Variants in DOK6 observed in about 807,000 individuals in gnomAD.
DOK6 encodes the protein downstream of tyrosine kinase 6.
Under a neutral mutation model 44.0 loss-of-function variants are expected in DOK6, and 22 were observed. That is an observed-to-expected ratio of 0.50 (90% CI 0.36 to 0.71). DOK6 has a LOEUF of 0.71. Among genes scored for constraint, DOK6 ranks in the 30% least tolerant of loss-of-function variants. The pLI is 0.00. For missense variants in DOK6, 340 were observed against 416.4 expected (o/e 0.82, Z 1.60); for synonymous variants, 166 against 145.5 (o/e 1.14, Z -1.01).
At chr18:69,640,668 T>C (rs576847863) in intron 3 of DOK6, among the ~76,000 whole-genome samples, 1 of 152,288 alleles carries the variant, frequency 6.6e-6, no homozygotes, top group African/African-American at 2.4e-5. Flanking sequence ...GCTTCTGTTT[T>C]TGTACGATCA....
chr18:69,688,952 GATAT>G (rs1309283968), intron 4 of DOK6, among the ~76,000 whole-genome samples: 1 of 152,152 alleles, frequency 6.6e-6, no homozygotes, highest in Non-Finnish European at 1.5e-5. Flanking sequence ...GCAACTTAGA[GATAT>G]ATAAAGATTT....
intron 3 of DOK6, among the ~76,000 whole-genome samples, chr18:69,617,439 AG>A (rs1297211916): frequency 4.0e-5 from 6 of 150,900 alleles, no homozygotes; most frequent in African/African-American, 1.2e-4. Flanking sequence ...AGAAAGAGGG[AG>A]GGAGAGAGGG....
intron 5 of DOK6, chr18:69,724,827 GCT>G (rs1309162680): frequency 2.0e-5 from 3 of 152,204 alleles, no homozygotes; most frequent in Non-Finnish European, 4.4e-5. Context: ...ACTTAGACCA[GCT>G]CTCTCCAAGA....
intron 5 of DOK6, among the ~76,000 whole-genome samples, chr18:69,735,841 G>T (rs1978587875): frequency 6.6e-6 from 1 of 152,202 alleles, no homozygotes; most frequent in Admixed American, 6.5e-5. Flanking sequence ...CCAGCCATAG[G>T]CCTATCCTAA....
At chr18:69,496,626 C>T (rs1036706189) in intron 1 of DOK6, among the ~76,000 whole-genome samples, 11 of 152,216 alleles carry the variant, frequency 7.2e-5, no homozygotes, top group African/African-American at 2.7e-4. Flanking sequence ...CCATTCATTC[C>T]TCTAAACCCA....
chr18:69,506,356 A>T (rs374609989), intron 1 of DOK6, among the ~76,000 whole-genome samples: 2 of 152,150 alleles, frequency 1.3e-5, no homozygotes, highest in Non-Finnish European at 2.9e-5. Flanking sequence ...ATAAAAATAC[A>T]CAACAATTTA....
At chr18:69,689,701 A>G (rs534278919) in intron 4 of DOK6, among the ~76,000 whole-genome samples, 1 of 152,284 alleles carries the variant, frequency 6.6e-6, no homozygotes, top group South Asian at 2.1e-4. Flanking sequence ...AAATTTATAT[A>G]GGAGAATATA....
intron 5 of DOK6, among the ~76,000 whole-genome samples, chr18:69,732,410 G>A (rs539871205): frequency 2.6e-5 from 4 of 152,170 alleles, no homozygotes; most frequent in African/African-American, 9.6e-5. Flanking sequence ...TTGAGGTAAT[G>A]CAAGTCTTAT....
intron 1 of DOK6, among the ~76,000 whole-genome samples, chr18:69,470,300 A>G (rs1980059792): frequency 6.6e-6 from 1 of 152,132 alleles, no homozygotes; most frequent in Non-Finnish European, 1.5e-5. Context: ...TCTCAGGCCC[A>G]GCCTCACGTG....
intron 1 of DOK6, among the ~76,000 whole-genome samples, chr18:69,457,892 T>C (rs930709838): frequency 4.6e-5 from 7 of 152,060 alleles, no homozygotes; most frequent in African/African-American, 1.4e-4. Flanking sequence ...GCCTGTAATC[T>C]CAGCACTTTG....
At chr18:69,578,846 AATT>A (rs1401147542) in intron 2 of DOK6, among the ~76,000 whole-genome samples, 1 of 151,152 alleles carries the variant, frequency 6.6e-6, no homozygotes, top group African/African-American at 2.4e-5. Context: ...TTCAGTGAGA[AATT>A]ATTCTTGAAT....
At chr18:69,640,096 T>C (rs927740538) in intron 3 of DOK6, among the ~76,000 whole-genome samples, 3 of 152,180 alleles carry the variant, frequency 2.0e-5, no homozygotes, top group Non-Finnish European at 2.9e-5. Context: ...CAGGTTAACC[T>C]GCAGCACAGT....
At chr18:69,687,552 G>A (rs150340482) in intron 4 of DOK6, among the ~76,000 whole-genome samples, 2,860 of 152,120 alleles carry the variant, frequency 0.019, 70 homozygotes, top group Non-Finnish European at 0.025. Flanking sequence ...TGTGGTGGCG[G>A]GCGCCTGAAG....
chr18:69,697,215 T>TACC (rs200455067), intron 4 of DOK6, among the ~76,000 whole-genome samples: 1,647 of 152,306 alleles, frequency 0.011, 25 homozygotes, highest in African/African-American at 0.037. Flanking sequence ...TTCAGCTCAG[T>TACC]ACCAGCAAAC....
At chr18:69,621,392 C>T (rs1438479085) in intron 3 of DOK6, among the ~76,000 whole-genome samples, 1 of 152,126 alleles carries the variant, frequency 6.6e-6, no homozygotes, top group African/African-American at 2.4e-5. Context: ...TTCATATACC[C>T]TTTCTCATCT....
chr18:69,528,291 T>C (rs1324733553), intron 1 of DOK6, among the ~76,000 whole-genome samples: 4 of 152,202 alleles, frequency 2.6e-5, no homozygotes, highest in African/African-American at 9.6e-5. Context: ...TTCTATCAGA[T>C]GCAATTATTG....
chr18:69,600,606 T>G (rs1388486631), intron 3 of DOK6, among the ~76,000 whole-genome samples: 1 of 152,194 alleles, frequency 6.6e-6, no homozygotes. Flanking sequence ...TCCTGTCAGC[T>G]GTCTTAAAAC....
chr18:69,686,144 G>T (rs1324750656), intron 4 of DOK6, among the ~76,000 whole-genome samples: 1 of 151,990 alleles, frequency 6.6e-6, no homozygotes, highest in Non-Finnish European at 1.5e-5. Context: ...GGAAGAAAAT[G>T]GCCCAGTACA....
chr18:69,683,025 G>C (rs767525855), intron 4 of DOK6, among the ~76,000 whole-genome samples: 19 of 152,120 alleles, frequency 1.2e-4, no homozygotes, highest in Non-Finnish European at 1.8e-4. Flanking sequence ...CTGTTTTGAG[G>C]ATTTTCCCCC....
Sources: gnomAD v4.1 joint callset for allele counts (sites outside exome capture counted in the v4.1 genomes callset) on GRCh38, gnomAD v4.1.1 for gene constraint, MANE v1.5 for transcripts, NCBI Gene and HGNC (gene_info 2026-07-23, HGNC 2026-07-21) for gene names.